Variants in EPHB1 observed in about 807,000 individuals in gnomAD.
The protein encoded by EPHB1 is EPH receptor B1, also known as ephrin type-B receptor 1.
In EPHB1, 30 loss-of-function variants were observed where a neutral mutation model predicts 94.4. The observed-to-expected ratio is 0.32, with a 90% CI of 0.24 to 0.43. The LOEUF (loss-of-function observed/expected upper bound fraction) is 0.43. EPHB1 is among the 20% of genes least tolerant of loss of function. EPHB1 has a pLI of 1.00. For synonymous variants in EPHB1, 522 were observed against 489.1 expected (o/e 1.07, Z -0.89); for missense variants, 1,055 against 1,308.3 (o/e 0.81, Z 2.99).
chr3:134,960,984 G>A (rs533114440), intron 3 of EPHB1, among the ~76,000 whole-genome samples: 2 of 152,200 alleles, frequency 1.3e-5, no homozygotes, highest in African/African-American at 2.4e-5. Context: ...GGTCCTTGGA[G>A]GCCCACTCTG....
intron 5 of EPHB1, among the ~76,000 whole-genome samples, chr3:135,151,020 A>G (rs1242413077): frequency 6.6e-6 from 1 of 152,092 alleles, no homozygotes; most frequent in Non-Finnish European, 1.5e-5. Context: ...TCCACATCCC[A>G]TATTCATGGA....
intron 3 of EPHB1, among the ~76,000 whole-genome samples, chr3:135,056,410 C>T (rs538706029): frequency 6.6e-6 from 1 of 152,366 alleles, no homozygotes; most frequent in East Asian, 1.9e-4. Flanking sequence ...GGGATACACC[C>T]TTCTCAGCAG....
rs139605716 is a variant in EPHB1, at chr3:135,185,450, C to A, written c.1882+5468C>A. ...AACATAGTCAAAGTAGCTAGCATCT[C>A]TTGAACACTCACCGTGTGTCTGACA... On this transcript the variant is annotated intron_variant, in intron 10 of 15. Coordinates refer to ENST00000398015, the MANE Select transcript of EPHB1 (RefSeq NM_004441.5). Among the ~76,000 whole-genome samples the A allele has an allele frequency of 4.8e-3, 727 of 152,310 alleles. 5 individuals are homozygous for A. Among genetic ancestry groups the A allele is most frequent in the African/African-American group, 0.017 (696 of 41,556 alleles).
intron 4 of EPHB1, among the ~76,000 whole-genome samples, chr3:135,127,350 G>A (rs1475556055): frequency 1.3e-5 from 2 of 152,202 alleles, no homozygotes; most frequent in Admixed American, 6.5e-5. Flanking sequence ...ATGCAGAGGA[G>A]CATGATCCCA....
At chr3:134,944,684 T>C (rs1193519212) in intron 2 of EPHB1, among the ~76,000 whole-genome samples, 1 of 152,180 alleles carries the variant, frequency 6.6e-6, no homozygotes, top group East Asian at 1.9e-4. Context: ...GGTCCACCTG[T>C]AGGTTTTCTG....
intron 6 of EPHB1, among the ~76,000 whole-genome samples, chr3:135,155,032 C>G (rs536571845): frequency 6.6e-6 from 1 of 152,182 alleles, no homozygotes; most frequent in East Asian, 1.9e-4. Flanking sequence ...GTATTGTCAA[C>G]TATTTGACAG....
At chr3:135,131,958 C>T (rs1368371124) in intron 4 of EPHB1, among the ~76,000 whole-genome samples, 1 of 152,166 alleles carries the variant, frequency 6.6e-6, no homozygotes, top group African/African-American at 2.4e-5. Context: ...GCTTTACTTC[C>T]CCTTTCTATT....
rs1464946076 is a variant in EPHB1, at chr3:134,882,079, GA to G, written c.59-43731del. Among the ~76,000 whole-genome samples the G allele has an allele frequency of 1.3e-4, 20 of 152,240 alleles. No individual in the cohort carries two copies. In the East Asian group the frequency reaches 3.1e-3, roughly 24 times the overall value. ...TACTAATTTCAGGAAAAAAGATGGG[GA>G]AAAAATTGATAATTAGAAAAGAAAA... On this transcript the variant is annotated intron_variant, in intron 1 of 15. Coordinates refer to ENST00000398015, the MANE Select transcript of EPHB1 (RefSeq NM_004441.5).
rs1041229211 is a variant in EPHB1 at position 135,082,714 on chromosome 3, A to T, written c.806-23734A>T. 1.2e-4 allele frequency among the ~76,000 whole-genome samples: 18 copies of T among 152,358 alleles called. No individual in the cohort carries two copies. In the South Asian group the frequency reaches 1.7e-3, roughly 14 times the overall value. ...AGATAGTGAGATTCATGTGAGCAAA[A>T]TATTGGAACAGCATAAGTCACATAG... On this transcript the variant is annotated intron_variant, in intron 3 of 15. Transcript: ENST00000398015.
intron 12 of EPHB1, among the ~76,000 whole-genome samples, chr3:135,226,836 G>GA (rs1559882354): frequency 4.6e-4 from 66 of 143,080 alleles, no homozygotes; most frequent in African/African-American, 4.8e-4. Context: ...CAGTCATTAA[G>GA]GAAAAAAAAA....
At chr3:135,047,353 C>A (rs1195675991) in intron 3 of EPHB1, among the ~76,000 whole-genome samples, 1 of 152,174 alleles carries the variant, frequency 6.6e-6, no homozygotes, top group Non-Finnish European at 1.5e-5. Flanking sequence ...TGAATCAGTA[C>A]CTTGGCAGAC....
chr3:135,073,633 G>A (rs1937802749), intron 3 of EPHB1, among the ~76,000 whole-genome samples: 1 of 152,134 alleles, frequency 6.6e-6, no homozygotes, highest in African/African-American at 2.4e-5. Flanking sequence ...TATGCAGAGA[G>A]TGTTCAAAAT....
At chr3:134,840,010 A>G (rs1410437255) in intron 1 of EPHB1, among the ~76,000 whole-genome samples, 1 of 151,982 alleles carries the variant, frequency 6.6e-6, no homozygotes, top group Non-Finnish European at 1.5e-5. Context: ...ATTTATGGGG[A>G]CACATTATTC....
intron 1 of EPHB1, among the ~76,000 whole-genome samples, chr3:134,850,414 C>G (rs560578629): frequency 6.6e-6 from 1 of 152,184 alleles, no homozygotes; most frequent in African/African-American, 2.4e-5. Context: ...CACGCCTGAC[C>G]TCTGGCTGGG....
At chr3:134,922,647 C>T (rs183750538) in intron 1 of EPHB1, among the ~76,000 whole-genome samples, 4 of 152,316 alleles carry the variant, frequency 2.6e-5, no homozygotes, top group South Asian at 2.1e-4. Context: ...ATCCTCTGCC[C>T]GCTCCCTGCT....
chr3:134,859,290 T>A (rs927316987), intron 1 of EPHB1, among the ~76,000 whole-genome samples: 6 of 152,168 alleles, frequency 3.9e-5, no homozygotes, highest in Non-Finnish European at 7.3e-5. Context: ...GAAGAGTTCC[T>A]TGCAAACATG....
chr3:134,941,752 G>GACACACATACACACAC (rs2039120830), intron 2 of EPHB1, among the ~76,000 whole-genome samples: 1 of 134,702 alleles, frequency 7.4e-6, no homozygotes, highest in African/African-American at 2.8e-5. Context: ...TATGCACACA[G>GACACACATACACACAC]ACACACACAC....
intron 9 of EPHB1, among the ~76,000 whole-genome samples, chr3:135,172,866 GAAACCGTGTTAACTCTTTT>G (rs1941844751): frequency 6.6e-6 from 1 of 152,220 alleles, no homozygotes; most frequent in Non-Finnish European, 1.5e-5. Flanking sequence ...AGAGACTCAA[GAAACCGTGTTAACTCTTTT>G]GGTCCTGAGA....
chr3:135,141,029 CTT>C (rs1940807380), intron 5 of EPHB1, among the ~76,000 whole-genome samples: 1 of 152,148 alleles, frequency 6.6e-6, no homozygotes, highest in Admixed American at 6.5e-5. Context: ...AAGGTAAACT[CTT>C]TGCCAATCCC....
Sources: allele counts gnomAD v4.1 joint callset (sites outside exome capture counted in the v4.1 genomes callset), GRCh38; gene constraint gnomAD v4.1.1; transcripts MANE v1.5; gene names NCBI Gene and HGNC (gene_info 2026-07-23, HGNC 2026-07-21).